MICU3: variants seen among roughly 807,000 people sequenced by gnomAD.
The protein encoded by MICU3 is calcium uptake protein 3, mitochondrial.
Under a neutral mutation model 66.5 loss-of-function variants are expected in MICU3, and 62 were observed. The ratio of observed to expected loss-of-function variants is 0.93; its 90% CI spans 0.76 to 1.15. The LOEUF (loss-of-function observed/expected upper bound fraction) is 1.15. Among genes scored for constraint, MICU3 ranks in the 50% most tolerant of loss-of-function variants. The pLI is 0.00. For missense variants in MICU3, 779 were observed against 664.4 expected, an observed-to-expected ratio of 1.17 and a Z score of -1.90; for synonymous variants, 308 against 240.7, an observed-to-expected ratio of 1.28 and a Z score of -2.59.
chr8:17,042,022 G>C (rs1312558109), intron 1 of MICU3, among the ~76,000 whole-genome samples: 1 of 152,166 alleles, frequency 6.6e-6, no homozygotes, highest in African/African-American at 2.4e-5. Context: ...TTTTGTAATT[G>C]CAAGGCTCAA....
At chr8:17,126,207 C>G (rs377541109), downstream of MICU3, among the ~76,000 whole-genome samples, 70 of 152,122 alleles carry the variant, frequency 4.6e-4, no homozygotes, top group African/African-American at 1.5e-3. Context: ...TGAGAGGTAC[C>G]TGAATCCTTC....
At chr8:17,066,544 T>TATATATA (rs1491234403) in intron 2 of MICU3, among the ~76,000 whole-genome samples, 1 of 61,528 alleles carries the variant, frequency 1.6e-5, no homozygotes, top group Non-Finnish European at 2.8e-5. Context: ...TATATATAGA[T>TATATATA]TTTTTTTTTT....
intron 14 of MICU3, among the ~76,000 whole-genome samples, chr8:17,119,538 TA>T (rs1410735758): frequency 1.5e-5 from 2 of 134,044 alleles, no homozygotes; most frequent in East Asian, 4.1e-4. Context: ...GAAGCATAGA[TA>T]GATAGATAGA....
At chr8:17,072,216 C>G (rs1819687841) in intron 3 of MICU3, among the ~76,000 whole-genome samples, 1 of 151,896 alleles carries the variant, frequency 6.6e-6, no homozygotes, top group South Asian at 2.1e-4. Context: ...AAAACTAGAT[C>G]AAGGTAATAG....
At position 17,121,479 on chromosome 8, in the gene MICU3, A is replaced by G. The variant is rs1276025005; in HGVS notation, c.*1192A>G. The stretch of plus-strand genomic sequence containing the variant: ...TCAATTAAAAATGCTTAGTTTATAC[A>G]AAGATACTACACAAAAATAGAACAA... On this transcript the variant is annotated 3_prime_UTR_variant, in exon 15 of 15. Transcript: ENST00000318063. 6.6e-6 allele frequency: 1 copy of G among 152,040 alleles called. No homozygotes were observed. Among genetic ancestry groups the G allele is most frequent in the Admixed American group, 6.6e-5 (1 of 15,248 alleles). 9.4% of individuals were successfully genotyped at this position (152,040 alleles called of 1,614,324 possible). A position where few individuals can be genotyped will look rare whatever the true frequency, so the allele number is the denominator to read the frequency against.
intron 1 of MICU3, among the ~76,000 whole-genome samples, chr8:17,060,212 A>G (rs1817604869): frequency 1.3e-5 from 2 of 152,120 alleles, no homozygotes; most frequent in African/African-American, 2.4e-5. Flanking sequence ...CTCCATCCAG[A>G]TGAGCTGAGT....
intron 9 of MICU3, among the ~76,000 whole-genome samples, chr8:17,100,020 C>A (rs183193761): frequency 2.6e-5 from 4 of 151,890 alleles, no homozygotes; most frequent in Admixed American, 2.6e-4. Flanking sequence ...TCTGTAAGAT[C>A]TTTGGAAAAG....
intron 1 of MICU3, among the ~76,000 whole-genome samples, chr8:17,045,989 G>C (rs1815003594): frequency 6.6e-6 from 1 of 152,166 alleles, no homozygotes; most frequent in African/African-American, 2.4e-5. Context: ...GATTTGGGTG[G>C]GGACACAGCC....
chr8:17,106,831 G>C (rs1801784042), intron 11 of MICU3, among the ~76,000 whole-genome samples: 1 of 151,336 alleles, frequency 6.6e-6, no homozygotes, highest in Non-Finnish European at 1.5e-5. Flanking sequence ...GAGGCTTTCA[G>C]ATACTTAGAC....
intron 11 of MICU3, 47 bp from the exon 12 acceptor site, chr8:17,114,046 T>C (rs1017380517): frequency 2.5e-6 from 3 of 1,180,636 alleles, no homozygotes; most frequent in Non-Finnish European, 2.4e-6. Context: ...CTGATTTTAA[T>C]AAATTTGGCA....
At chr8:17,073,397 T>C (rs1047025343) in intron 3 of MICU3, among the ~76,000 whole-genome samples, 2 of 151,958 alleles carry the variant, frequency 1.3e-5, no homozygotes, top group Non-Finnish European at 2.9e-5. Flanking sequence ...GGGATCTAAG[T>C]TGTGTGCTTC....
At chr8:17,110,654 C>T (rs183060639) in intron 11 of MICU3, among the ~76,000 whole-genome samples, 1 of 152,144 alleles carries the variant, frequency 6.6e-6, no homozygotes, top group African/African-American at 2.4e-5. Context: ...GCCCCGAACT[C>T]CTTGGCTCAA....
intron 1 of MICU3, among the ~76,000 whole-genome samples, chr8:17,042,958 G>A (rs1476023994): frequency 1.3e-4 from 1 of 7,502 alleles, no homozygotes; most frequent in African/African-American, 1.1e-3. Context: ...TTTTTTTTTT[G>A]AGACGGAGTC....
chr8:17,028,979 GTTT>G, intron 1 of MICU3, among the ~76,000 whole-genome samples: 1 of 152,142 alleles, frequency 6.6e-6, no homozygotes, highest in East Asian at 1.9e-4. Flanking sequence ...TTATCTTGCA[GTTT>G]TTAAAAAGAC....
chr8:17,046,537 G>A (rs192660449), intron 1 of MICU3, among the ~76,000 whole-genome samples: 137 of 152,192 alleles, frequency 9.0e-4, no homozygotes, highest in Non-Finnish European at 1.7e-3. Flanking sequence ...GAAATTGAGA[G>A]AAATTGCCAG....
At chr8:17,063,611 GT>G in intron 1 of MICU3, among the ~76,000 whole-genome samples, 1 of 152,116 alleles carries the variant, frequency 6.6e-6, no homozygotes, top group South Asian at 2.1e-4. Context: ...ACCACTAATG[GT>G]TTCCTTAGTG....
intron 5 of MICU3, among the ~76,000 whole-genome samples, chr8:17,083,460 G>C (rs1050160308): frequency 2.0e-5 from 3 of 152,074 alleles, no homozygotes; most frequent in African/African-American, 7.2e-5. Flanking sequence ...ACGGGAAAGA[G>C]CGCTTATCAT....
rs530974025 is a variant in MICU3 at position 17,120,576 on chromosome 8, T to G, written c.*289T>G. ...TTCAGAAGTATATAGATACTTCCGG[T>G]GACTACATATGAATGTACTTTCAAT... On this transcript the variant is annotated 3_prime_UTR_variant, in exon 15 of 15. Transcript: ENST00000318063. 6.6e-6 allele frequency: 1 copy of G among 152,506 alleles called. No homozygotes were observed. Among genetic ancestry groups the G allele is most frequent in the African/African-American group, 2.4e-5 (1 of 41,578 alleles). The allele number at this position is 152,506 out of a possible 1,614,324, so 9.4% of individuals were successfully genotyped here.
chr8:17,114,886 G>A (rs566597974), intron 12 of MICU3, among the ~76,000 whole-genome samples: 2 of 152,282 alleles, frequency 1.3e-5, no homozygotes, highest in Non-Finnish European at 2.9e-5. Flanking sequence ...TTGGGAGGCT[G>A]AGGCGGGCGG....
Sources: allele counts gnomAD v4.1 joint callset (sites outside exome capture counted in the v4.1 genomes callset), GRCh38; gene constraint gnomAD v4.1.1; transcripts MANE v1.5; gene names NCBI Gene and HGNC (gene_info 2026-07-23, HGNC 2026-07-21).